Variants in TAS1R3 observed in about 807,000 individuals in gnomAD.
The protein encoded by TAS1R3 is taste receptor type 1 member 3.
A neutral mutation model predicts 46.1 loss-of-function variants in TAS1R3; 58 were observed. The ratio of observed to expected loss-of-function variants is 1.26; its 90% confidence interval spans 1.02 to 1.57. The LOEUF is 1.57. TAS1R3 is among the 40% of genes most tolerant of loss of function. The pLI is 0.00. For missense variants in TAS1R3, 1,422 were observed against 1,185.8 expected, an observed-to-expected ratio of 1.20 and a Z score of -2.93; for synonymous variants, 724 against 544.7, an observed-to-expected ratio of 1.33 and a Z score of -4.58.
At position 1,332,263 on chromosome 1, in the gene TAS1R3, G is replaced by A. The variant is rs544920657; in HGVS notation, c.732G>A (p.Pro244=). ...GICIAHEGLV[P]LPRADDSRLG... ...GCATCGCGCACGAGGGCCTGGTGCCGCTGCCCCGTGCCGATGACTCGCGGC... is the reference window on the plus strand; with the variant it reads ...GCATCGCGCACGAGGGCCTGGTGCCACTGCCCCGTGCCGATGACTCGCGGC... Residue 244 remains proline (P), a synonymous_variant, in exon 3 of 6, where the codon CCG becomes CCA. Coordinates refer to ENST00000339381, the MANE Select transcript of TAS1R3 (RefSeq NM_152228.3). The A allele has an allele frequency of 1.9e-5, 31 of 1,598,558 alleles. No homozygotes were observed. Among genetic ancestry groups the A allele is most frequent in the Middle Eastern group, 3.3e-4 (2 of 6,046 alleles).
intron 5 of TAS1R3, 40 bp downstream of exon 5, chr1:1,333,419 A>G: frequency 6.2e-7 from 1 of 1,610,054 alleles, no homozygotes; most frequent in Non-Finnish European, 8.5e-7. Context: ...GGAACGCAGC[A>G]GGGGAGGGTC....
chr1:1,333,154 C>G (rs1557657350), intron 4 of TAS1R3, 30 bp downstream of exon 4: 1 of 1,602,158 alleles, frequency 6.2e-7, no homozygotes, highest in Non-Finnish European at 8.5e-7. Flanking sequence ...GCCAGGCGTG[C>G]CCGTGGTAGC....
chr1:1,331,705 T>C lies in TAS1R3; in HGVS notation c.259T>C (p.Ser87Pro), dbSNP rs1406626133. The C allele has an allele frequency of 6.2e-7, 1 of 1,612,796 alleles. No homozygotes were observed. Among genetic ancestry groups the C allele is most frequent in the African/African-American group, 1.3e-5 (1 of 74,910 alleles). ...KMAVEEINNK[S>P]DLLPGLRLGY... ...GGCCGTGGAGGAGATCAACAACAAG[T>C]CGGATCTGCTGCCCGGGCTGCGCCT... is the stretch of plus-strand genomic sequence containing the variant. Residue 87 changes from serine to proline, a missense_variant, in exon 2 of 6, where the codon TCG becomes CCG. By Grantham distance (74) the Ser-to-Pro change is moderately conservative. Coordinates refer to ENST00000339381, the MANE Select transcript of TAS1R3 (RefSeq NM_152228.3).
intron 3 of TAS1R3, 47 bp downstream of exon 3, chr1:1,332,853 C>T (rs1327351433): frequency 6.3e-7 from 1 of 1,588,422 alleles, no homozygotes; most frequent in South Asian, 1.1e-5. Context: ...TGTGCCCAGG[C>T]CACCAGGCAC....
At position 1,333,047 on chromosome 1, in the gene TAS1R3, C is replaced by A; in HGVS notation, c.1402C>A (p.Leu468Ile). ...LWVWQGSVPR[L>I]HDVGRFNGSL... ...GGTGTGGCAGGGCTCAGTGCCCAGG[C>A]TCCACGACGTGGGCAGGTTCAACGG... Residue 468 changes from leucine (L) to isoleucine (I), a missense_variant, in exon 4 of 6, where the codon CTC (leucine) becomes ATC (isoleucine). By Grantham distance (5) the Leu-to-Ile change is conservative. Transcript: ENST00000339381. 6.2e-7 allele frequency: 1 copy of A among 1,612,754 alleles called. No individual in the cohort carries two copies. Among genetic ancestry groups the A allele is most frequent in the Non-Finnish European group, 8.5e-7 (1 of 1,179,922 alleles).
At position 1,332,027 on chromosome 1, in the gene TAS1R3, A is replaced by G; in HGVS notation, c.496A>G (p.Ser166Gly). The G allele has an allele frequency of 6.3e-7, 1 of 1,587,872 alleles. No homozygotes were observed. Among genetic ancestry groups the G allele is most frequent in the Non-Finnish European group, 8.5e-7 (1 of 1,170,984 alleles). Residue 166 changes from serine (S) to glycine (G), a missense_variant, in exon 3 of 6, where the codon AGC (serine) becomes GGC (glycine). Ser to Gly is a moderately conservative substitution (Grantham distance 56). Coordinates refer to ENST00000339381, the MANE Select transcript of TAS1R3 (RefSeq NM_152228.3). ...AGATGCCTCTTGGCCCTTGCAGGTC[A>G]GCTACGGTGCTAGCATGGAGCTGCT... ...FFSFFLMPQVSYGASMELLSA... is the reference protein window; with the variant it reads ...FFSFFLMPQVGYGASMELLSA...
chr1:1,332,536 C>G lies in TAS1R3; in HGVS notation c.1005C>G (p.Pro335=), dbSNP rs761358003. The G allele has an allele frequency of 5.0e-6, 8 of 1,611,674 alleles. No individual in the cohort carries two copies. In the African/African-American group the frequency reaches 1.1e-4, roughly 22 times the overall value. The stretch of plus-strand genomic sequence containing the variant: ...GGGGTGCCCAGCTGCACGAGTTCCC[C>G]CAGTACGTGAAGACGCACCTGGCCC... ...LQRGAQLHEF[P]QYVKTHLALA... Residue 335 remains proline (P), a synonymous_variant, in exon 3 of 6, where the codon CCC becomes CCG. Transcript: ENST00000339381.
At position 1,332,472 on chromosome 1, in the gene TAS1R3, G is replaced by T; in HGVS notation, c.941G>T (p.Gly314Val). Reference protein sequence around the residue: ...LTSDLVMGLPGMAQMGTVLGF... With the variant: ...LTSDLVMGLPVMAQMGTVLGF... ...TCTGACCTGGTCATGGGGCTGCCCG[G>T]CATGGCCCAGATGGGCACGGTGCTT... Residue 314 changes from glycine to valine, a missense_variant, in exon 3 of 6, where the codon GGC becomes GTC. Gly to Val is a moderately radical substitution (Grantham distance 109, BLOSUM62 -3). Transcript: ENST00000339381. The T allele has an allele frequency of 6.2e-7, 1 of 1,609,694 alleles. No individual in the cohort carries two copies. Among genetic ancestry groups the T allele is most frequent in the Non-Finnish European group, 8.5e-7 (1 of 1,179,670 alleles).
chr1:1,331,500 G>C lies in TAS1R3; in HGVS notation c.155G>C (p.Arg52Pro). The C allele has an allele frequency of 6.2e-7, 1 of 1,604,124 alleles. No individual in the cohort carries two copies. The change falls in exon 1 of 6, where the codon CGC becomes CCC. Residue 52 changes from arginine (R) to proline (P), a missense_variant. Physicochemically the swap from Arg to Pro is moderately radical, Grantham distance 103 (BLOSUM62 -2). Transcript: ENST00000339381. ...PLGEAEEAGL[R>P]SRTRPSSPVC... ...GGCGAGGCCGAGGAGGCTGGCCTCC[G>C]CAGCCGGACACGGCCCAGCAGCCCT...
chr1:1,334,088 T>C lies in TAS1R3; in HGVS notation c.2183T>C (p.Val728Ala). ...GTGCACTGCCGCACACGCTCCTGGG[T>C]CAGCTTCGGCCTAGCGCACGCCACC... ...ALVHCRTRSWVSFGLAHATNA... is the reference protein window; with the variant it reads ...ALVHCRTRSWASFGLAHATNA... The change falls in exon 6 of 6, where the codon GTC (valine) becomes GCC (alanine). Residue 728 changes from valine (V) to alanine (A), a missense_variant. By Grantham distance (64) the Val-to-Ala change is moderately conservative. Transcript: ENST00000339381. 1 of 1,592,176 alleles carries C rather than the reference T, an allele frequency of 6.3e-7. No individual in the cohort carries two copies. The highest frequency in any genetic ancestry group is 1.1e-5 in the South Asian group (1 of 89,176).
chr1:1,332,107 G>A lies in TAS1R3; in HGVS notation c.576G>A (p.Val192=). 1.2e-6 allele frequency: 2 copies of A among 1,600,350 alleles called. No homozygotes were observed. The highest frequency in any genetic ancestry group is 1.7e-4 in the Middle Eastern group (1 of 6,060). ...SFFRTVPSDR[V]QLTAAAELLQ... is the part of the protein sequence containing the mutation. Reference sequence around the variant, plus strand: ...TCCGCACCGTGCCCAGCGACCGTGTGCAGCTGACGGCCGCCGCGGAGCTGC... The same window carrying A: ...TCCGCACCGTGCCCAGCGACCGTGTACAGCTGACGGCCGCCGCGGAGCTGC... Residue 192 remains valine, a synonymous_variant, in exon 3 of 6, where the codon GTG becomes GTA. Transcript: ENST00000339381.
chr1:1,331,799 C>T lies in TAS1R3; in HGVS notation c.353C>T (p.Ala118Val). Residue 118 changes from alanine (A) to valine (V), a missense_variant, in exon 2 of 6, where the codon GCC (alanine) becomes GTC (valine). Ala to Val is a moderately conservative substitution (Grantham distance 64). Transcript: ENST00000339381. ...VAMKPSLMFL[A>V]KAGSRDIAAY... ...ATGAAGCCCAGCCTCATGTTCCTGG[C>T]CAAGGCAGGCAGCCGCGACATCGCC... 1.2e-6 allele frequency: 2 copies of T among 1,612,860 alleles called. No homozygotes were observed. Among genetic ancestry groups the T allele is most frequent in the Non-Finnish European group, 1.7e-6 (2 of 1,180,024 alleles).
At position 1,332,491 on chromosome 1, in the gene TAS1R3, G is replaced by A. The variant is rs367557548; in HGVS notation, c.960G>A (p.Thr320=). Residue 320 remains threonine, a synonymous_variant, in exon 3 of 6, where the codon ACG becomes ACA. Coordinates refer to ENST00000339381, the MANE Select transcript of TAS1R3 (RefSeq NM_152228.3). ...MGLPGMAQMG[T]VLGFLQRGAQ... is the part of the protein sequence containing the mutation. ...TGCCCGGCATGGCCCAGATGGGCAC[G>A]GTGCTTGGCTTCCTCCAGAGGGGTG... 2.9e-5 allele frequency: 46 copies of A among 1,610,482 alleles called. No homozygotes were observed. The highest frequency in any genetic ancestry group is 2.2e-4 in the South Asian group (20 of 91,086).
At position 1,333,340 on chromosome 1, in the gene TAS1R3, T is replaced by C; in HGVS notation, c.1561T>C (p.Cys521Arg). 6.2e-7 allele frequency: 1 copy of C among 1,609,388 alleles called. No homozygotes were observed. Among genetic ancestry groups the C allele is most frequent in the Non-Finnish European group, 8.5e-7 (1 of 1,178,580 alleles). ...GGGGTTCCACTCCTGCTGCTACGAC[T>C]GTGTGGACTGCGAGGCGGGCAGCTA... ...VKGFHSCCYD[C>R]VDCEAGSYRQ... is the part of the protein sequence containing the mutation. Residue 521 changes from cysteine to arginine, a missense_variant, in exon 5 of 6, where the codon TGT becomes CGT. Physicochemically the swap from Cys to Arg is radical, Grantham distance 180. Transcript: ENST00000339381.
At position 1,334,516 on chromosome 1, in the gene TAS1R3, C is replaced by G. The variant is rs111599415; in HGVS notation, c.*52C>G. Reference sequence around the variant, plus strand: ...GAACCCAGACTTAGCTGCGATCCCCCCCAAGCCAGCAATGACCCGTGTCTC... The same window carrying G: ...GAACCCAGACTTAGCTGCGATCCCCGCCAAGCCAGCAATGACCCGTGTCTC... On this transcript the variant is annotated 3_prime_UTR_variant, in exon 6 of 6. Transcript: ENST00000339381. 262 of 1,445,628 alleles carry G rather than the reference C, an allele frequency of 1.8e-4. 3 individuals carry two copies. The African/African-American group carries it at 3.1e-3, about 17-fold the overall frequency. 89.6% of individuals were successfully genotyped at this position (1,445,628 alleles called of 1,614,324 possible).
chr1:1,332,161 C>T lies in TAS1R3; in HGVS notation c.630C>T (p.Ala210=), dbSNP rs774949345. ...LLQEFGWNWV[A]ALGSDDEYGR... ...AGGAGTTCGGCTGGAACTGGGTGGC[C>T]GCCCTGGGCAGCGACGACGAGTACG... The change falls in exon 3 of 6, where the codon GCC becomes GCT. Residue 210 remains alanine, a synonymous_variant. Transcript: ENST00000339381. 102 of 1,597,932 alleles carry T rather than the reference C, an allele frequency of 6.4e-5. No homozygotes were observed. Among genetic ancestry groups the T allele is most frequent in the East Asian group, 3.3e-4 (15 of 44,846 alleles).
rs1643514817 is a variant in TAS1R3 at position 1,334,565 on chromosome 1, G to C, written c.*101G>C. ...TCGCTACAGAGACCCTCCCGCTCTA[G>C]GTTCTGACCCCAGGTTGTCTCCTGA... On this transcript the variant is annotated 3_prime_UTR_variant, in exon 6 of 6. Transcript: ENST00000339381. 11 of 1,323,530 alleles carry C rather than the reference G, an allele frequency of 8.3e-6. 1 individual carries two copies. The South Asian group carries it at 9.2e-5, about 11-fold the overall frequency. 82.0% of individuals were successfully genotyped at this position (1,323,530 alleles called of 1,614,324 possible).
In TAS1R3 at chr1:1,332,490, C is replaced by T. The variant is rs201607183; in HGVS notation, c.959C>T (p.Thr320Met). Residue 320 changes from threonine to methionine, a missense_variant, in exon 3 of 6, where the codon ACG becomes ATG. Physicochemically the swap from Thr to Met is moderately conservative, Grantham distance 81. Transcript: ENST00000339381. ...MGLPGMAQMGTVLGFLQRGAQ... is the reference protein window; with the variant it reads ...MGLPGMAQMGMVLGFLQRGAQ... Reference sequence around the variant, plus strand: ...CTGCCCGGCATGGCCCAGATGGGCACGGTGCTTGGCTTCCTCCAGAGGGGT... The same window carrying T: ...CTGCCCGGCATGGCCCAGATGGGCATGGTGCTTGGCTTCCTCCAGAGGGGT... The T allele has an allele frequency of 7.0e-4, 1,130 of 1,610,570 alleles. No individual in the cohort carries two copies. Among genetic ancestry groups the T allele is most frequent in the Non-Finnish European group, 8.8e-4 (1,040 of 1,179,914 alleles).
At position 1,333,048 on chromosome 1, in the gene TAS1R3, T is replaced by C. The variant is rs374451588; in HGVS notation, c.1403T>C (p.Leu468Pro). The C allele has an allele frequency of 5.6e-6, 9 of 1,612,562 alleles. No individual in the cohort carries two copies. The highest frequency in any genetic ancestry group is 2.7e-5 in the African/African-American group (2 of 74,904). Reference sequence around the variant, plus strand: ...GTGTGGCAGGGCTCAGTGCCCAGGCTCCACGACGTGGGCAGGTTCAACGGC... The same window carrying C: ...GTGTGGCAGGGCTCAGTGCCCAGGCCCCACGACGTGGGCAGGTTCAACGGC... ...LWVWQGSVPR[L>P]HDVGRFNGSL... The change falls in exon 4 of 6, where the codon CTC becomes CCC. Residue 468 changes from leucine to proline, a missense_variant. Physicochemically the swap from Leu to Pro is moderately conservative, Grantham distance 98. Transcript: ENST00000339381.
Sources: gnomAD v4.1 joint callset for allele counts on GRCh38, gnomAD v4.1.1 for gene constraint, MANE v1.5 for transcripts, NCBI Gene and HGNC (gene_info 2026-07-23, HGNC 2026-07-21) for gene names.